SLC25A21: variants seen among roughly 807,000 people sequenced by gnomAD.
SLC25A21 encodes solute carrier family 25 member 21.
A neutral mutation model predicts 43.8 loss-of-function variants in SLC25A21; 47 were observed. The ratio of observed to expected loss-of-function variants is 1.07; its 90% CI spans 0.85 to 1.37. The LOEUF (loss-of-function observed/expected upper bound fraction) is 1.37. SLC25A21 is among the 40% of genes most tolerant of loss of function. The pLI is 0.00. For synonymous variants in SLC25A21, 131 were observed against 121.3 expected, an observed-to-expected ratio of 1.08 and a Z score of -0.52; for missense variants, 352 against 350.2, an observed-to-expected ratio of 1.00 and a Z score of -0.04.
At chr14:37,068,244 A>C (rs1391116380) in intron 1 of SLC25A21, among the ~76,000 whole-genome samples, 1 of 152,186 alleles carries the variant, frequency 6.6e-6, no homozygotes, top group African/African-American at 2.4e-5. Context: ...GAACAGAAGA[A>C]AGATGCCTGA....
intron 2 of SLC25A21, among the ~76,000 whole-genome samples, chr14:36,843,808 A>G (rs1228244382): frequency 2.0e-5 from 3 of 152,290 alleles, no homozygotes; most frequent in East Asian, 1.9e-4. Context: ...AATTTCCCCA[A>G]TTGTCCCAAT....
intron 1 of SLC25A21, among the ~76,000 whole-genome samples, chr14:37,057,521 T>C (rs1276036132): frequency 6.6e-6 from 1 of 152,178 alleles, no homozygotes; most frequent in Non-Finnish European, 1.5e-5. Context: ...TCGTGTGAAA[T>C]TCTCCCAGTT....
intron 1 of SLC25A21, among the ~76,000 whole-genome samples, chr14:37,144,967 T>G (rs1386071113): frequency 6.7e-6 from 1 of 150,352 alleles, no homozygotes; most frequent in Non-Finnish European, 1.5e-5. Flanking sequence ...TTGTTTGTTT[T>G]TAATATTTGG....
intron 2 of SLC25A21, among the ~76,000 whole-genome samples, chr14:36,863,699 T>C (rs1890135616): frequency 6.6e-6 from 1 of 152,228 alleles, no homozygotes; most frequent in South Asian, 2.1e-4. Context: ...AAGATTCTTC[T>C]GCACATAATC....
At chr14:36,736,156 C>T (rs976216195) in intron 3 of SLC25A21, among the ~76,000 whole-genome samples, 225 of 152,084 alleles carry the variant, frequency 1.5e-3, no homozygotes, top group African/African-American at 5.2e-3. Flanking sequence ...AGGATGGTCT[C>T]GATCTCCTGA....
intron 1 of SLC25A21, among the ~76,000 whole-genome samples, chr14:36,929,142 A>G (rs1892216333): frequency 6.6e-6 from 1 of 152,170 alleles, no homozygotes; most frequent in Non-Finnish European, 1.5e-5. Context: ...CCATAAAAAT[A>G]AATTGAAAAA....
At chr14:36,688,348 C>A (rs1157946715) in intron 7 of SLC25A21, among the ~76,000 whole-genome samples, 1 of 152,228 alleles carries the variant, frequency 6.6e-6, no homozygotes. Context: ...TTGCGTGTAT[C>A]TCTCTTCCCT....
intron 1 of SLC25A21, among the ~76,000 whole-genome samples, chr14:36,903,147 T>C (rs1192280996): frequency 6.6e-6 from 1 of 152,198 alleles, no homozygotes; most frequent in African/African-American, 2.4e-5. Flanking sequence ...AAACATTTGC[T>C]ATAACTAGCC....
At chr14:37,119,908 G>A (rs181418155) in intron 1 of SLC25A21, among the ~76,000 whole-genome samples, 1 of 152,214 alleles carries the variant, frequency 6.6e-6, no homozygotes, top group East Asian at 1.9e-4. Flanking sequence ...AAAGATAAAG[G>A]TGAAAATGAT....
rs578083792 is a variant in SLC25A21 at position 37,093,275 on chromosome 14, TATAAC to T, written c.70+79001_70+79005del. Among the ~76,000 whole-genome samples the T allele has an allele frequency of 1.4e-3, 208 of 152,312 alleles. 2 individuals carry two copies. Among genetic ancestry groups the T allele is most frequent in the African/African-American group, 4.7e-3 (195 of 41,576 alleles). On this transcript the variant is annotated intron_variant, in intron 1 of 9. Transcript: ENST00000331299. ...TTAGTTTATCAAATAAAATTACAAATATAACATAATCTTTCTCCTGCTCACCCCAC... is the reference window on the plus strand; with the variant it reads ...TTAGTTTATCAAATAAAATTACAAATATAATCTTTCTCCTGCTCACCCCAC...
At chr14:36,697,748 TTGC>T (rs1883095680) in intron 7 of SLC25A21, among the ~76,000 whole-genome samples, 1 of 149,988 alleles carries the variant, frequency 6.7e-6, no homozygotes, top group Non-Finnish European at 1.5e-5. Context: ...CTTTTTTTTT[TTGC>T]TTTCCATTTG....
intron 2 of SLC25A21, among the ~76,000 whole-genome samples, chr14:36,844,483 G>A (rs548767404): frequency 3.9e-5 from 6 of 152,224 alleles, no homozygotes; most frequent in African/African-American, 1.4e-4. Context: ...GAGAAGGTGA[G>A]GTATGAGGAA....
intron 1 of SLC25A21, among the ~76,000 whole-genome samples, chr14:37,027,206 T>C (rs762132259): frequency 2.0e-5 from 3 of 152,158 alleles, no homozygotes; most frequent in Admixed American, 1.3e-4. Flanking sequence ...GAACATACTA[T>C]AGCATGTCAG....
chr14:36,920,504 G>A (rs1278515591), intron 1 of SLC25A21, among the ~76,000 whole-genome samples: 1 of 151,970 alleles, frequency 6.6e-6, no homozygotes, highest in Non-Finnish European at 1.5e-5. Flanking sequence ...ATATTGAGAA[G>A]GTGCTGTGTA....
chr14:36,974,077 T>C (rs532611651), intron 1 of SLC25A21, among the ~76,000 whole-genome samples: 35 of 152,240 alleles, frequency 2.3e-4, no homozygotes, highest in African/African-American at 5.8e-4. Context: ...TCCAAAAGAA[T>C]TGAGTAGAAG....
chr14:36,917,025 C>CT (rs538499759), intron 1 of SLC25A21, among the ~76,000 whole-genome samples: 138 of 152,236 alleles, frequency 9.1e-4, no homozygotes, highest in African/African-American at 3.2e-3. Context: ...CTCTCAAACT[C>CT]TTTCCTTCTC....
At chr14:37,031,178 T>C (rs1379824380) in intron 1 of SLC25A21, among the ~76,000 whole-genome samples, 3 of 152,288 alleles carry the variant, frequency 2.0e-5, no homozygotes, top group South Asian at 4.1e-4. Context: ...CAAGATGAGA[T>C]AACAGGCTAT....
intron 3 of SLC25A21, among the ~76,000 whole-genome samples, chr14:36,781,663 TTTTTTATTGTGTA>T (rs1432399488): frequency 6.6e-6 from 1 of 152,216 alleles, no homozygotes; most frequent in Non-Finnish European, 1.5e-5. Flanking sequence ...AATTTATTTC[TTTTTTATTGTGTA>T]TCCATAACAA....
At chr14:36,894,616 C>T (rs1891183114) in intron 1 of SLC25A21, among the ~76,000 whole-genome samples, 2 of 151,996 alleles carry the variant, frequency 1.3e-5, no homozygotes, top group Admixed American at 6.6e-5. Context: ...CTGTCTTGTG[C>T]CAGTTTTCAA....
Sources: gnomAD v4.1 joint callset for allele counts (sites outside exome capture counted in the v4.1 genomes callset) on GRCh38, gnomAD v4.1.1 for gene constraint, MANE v1.5 for transcripts, NCBI Gene and HGNC (gene_info 2026-07-23, HGNC 2026-07-21) for gene names.